ECPAS: variants seen among roughly 807,000 people sequenced by gnomAD.
ECPAS encodes proteasome adapter and scaffold protein ECM29.
Under a neutral mutation model 255.1 loss-of-function variants are expected in ECPAS, and 70 were observed. That is an observed-to-expected ratio of 0.27 (90% CI 0.23 to 0.33). The LOEUF is 0.33. Ranked by LOEUF, ECPAS falls within the 10% of genes least tolerant of loss-of-function variation. ECPAS has a pLI of 1.00. For synonymous variants in ECPAS, 784 were observed against 775.0 expected, an observed-to-expected ratio of 1.01 and a Z score of -0.19; for missense variants, 1,817 against 2,206.4, an observed-to-expected ratio of 0.82 and a Z score of 3.54.
At position 111,389,565 on chromosome 9, in the gene ECPAS, G is replaced by T. The variant is rs764819890; in HGVS notation, c.3438C>A (p.Asp1146Glu). 1.2e-6 allele frequency: 2 copies of T among 1,612,906 alleles called. No individual in the cohort carries two copies. Among genetic ancestry groups the T allele is most frequent in the Non-Finnish European group, 1.7e-6 (2 of 1,179,310 alleles). Reference sequence around the variant, plus strand: ...GTTCACAGACACTTACCATGGATTTGTCAGTGACCAACGCATTCCAAATAC... The same window carrying T: ...GTTCACAGACACTTACCATGGATTTTTCAGTGACCAACGCATTCCAAATAC... ...MTSIWNALVT[D>E]KSMVDKYLKE... The change falls in exon 31 of 50, where the codon GAC (aspartate) becomes GAA (glutamate). Residue 1146 changes from aspartate (D) to glutamate (E), a missense_variant. Asp to Glu is a conservative substitution (Grantham distance 45, BLOSUM62 2). Transcript: ENST00000684092.
At chr9:111,384,391 A>G in intron 34 of ECPAS, 131 bp downstream of exon 34, 1 of 743,534 alleles carries the variant, frequency 1.3e-6, no homozygotes, top group Non-Finnish European at 2.4e-6. Context: ...TCATTCTAAG[A>G]GCAGTGAACT....
At position 111,414,649 on chromosome 9, in the gene ECPAS, G is replaced by T; in HGVS notation, c.1767C>A (p.Ile589=). Residue 589 remains isoleucine, a splice_region_variant and synonymous_variant, in exon 19 of 50, where the codon ATC becomes ATA. Coordinates refer to ENST00000684092, the MANE Select transcript of ECPAS (RefSeq NM_001364929.1). Reference sequence around the variant, plus strand: ...CAAGGCACATGCGCAAGTACAGAACGATCTACAAACAGAACGGAGAGGAAG... The same window carrying T: ...CAAGGCACATGCGCAAGTACAGAACTATCTACAAACAGAACGGAGAGGAAG... The part of the protein sequence containing the change: ...LPFNPAAFGE[I]VLYLRMCLAH... The T allele has an allele frequency of 6.2e-7, 1 of 1,608,798 alleles. No individual in the cohort carries two copies. The highest frequency in any genetic ancestry group is 8.5e-7 in the Non-Finnish European group (1 of 1,176,922).
At chr9:111,426,905 G>A (rs775606093) in intron 10 of ECPAS, among the ~76,000 whole-genome samples, 2 of 152,134 alleles carry the variant, frequency 1.3e-5, no homozygotes, top group Non-Finnish European at 2.9e-5. Context: ...GGGAGGCAGA[G>A]GCTGCAGTAA....
Position 111,473,712 on chromosome 9 carries a change from A to G in ECPAS, c.-82-712T>C, listed in dbSNP as rs1318638626. On this transcript the variant is annotated intron_variant, in intron 1 of 49. Coordinates refer to ENST00000684092, the MANE Select transcript of ECPAS (RefSeq NM_001364929.1). ...CCAGGCACGGTGGCTCACGCCTGTA[A>G]TCCCAGCACTCTGAGAGGCCGAGGA... 4.6e-5 allele frequency among the ~76,000 whole-genome samples: 7 copies of G among 152,346 alleles called. No individual in the cohort carries two copies. In the East Asian group the frequency reaches 1.3e-3, roughly 29 times the overall value.
chr9:111,482,479 A>C (rs2098307358), intron 1 of ECPAS, among the ~76,000 whole-genome samples: 1 of 152,224 alleles, frequency 6.6e-6, no homozygotes, highest in African/African-American at 2.4e-5. Flanking sequence ...CACCAGAAAA[A>C]CATACATTAC....
chr9:111,418,753 G>T (rs1200562110), intron 16 of ECPAS, among the ~76,000 whole-genome samples: 1 of 152,174 alleles, frequency 6.6e-6, no homozygotes, highest in African/African-American at 2.4e-5. Flanking sequence ...AGATACAGCA[G>T]TTAAGAGCTC....
chr9:111,387,392 C>T (rs909981381), intron 31 of ECPAS, among the ~76,000 whole-genome samples: 6 of 151,968 alleles, frequency 3.9e-5, no homozygotes, highest in African/African-American at 2.4e-5. Context: ...TCTCACTCAT[C>T]GTCAGTGCAG....
At chr9:111,473,037 A>G in intron 1 of ECPAS, 37 bp from the exon 2 acceptor site, 2 of 519,798 alleles carry the variant, frequency 3.8e-6, no homozygotes, top group Non-Finnish European at 5.2e-6. Context: ...CAATTAACAG[A>G]TGTATATGCA....
intron 7 of ECPAS, among the ~76,000 whole-genome samples, chr9:111,433,968 A>C (rs1325988336): frequency 1.3e-5 from 2 of 152,234 alleles, no homozygotes; most frequent in African/African-American, 4.8e-5. Flanking sequence ...GCTGAAATGA[A>C]ACAGACTAGA....
chr9:111,474,655 T>C (rs1333221058), intron 1 of ECPAS, among the ~76,000 whole-genome samples: 8 of 152,336 alleles, frequency 5.3e-5, no homozygotes, highest in African/African-American at 1.4e-4. Context: ...CTGTTGGCAT[T>C]CCTACAACAT....
rs2098260161 is a variant in ECPAS at position 111,451,437 on chromosome 9, T to G, written c.141A>C (p.Gly47=). 1 of 1,572,700 alleles carries G rather than the reference T, an allele frequency of 6.4e-7. No individual in the cohort carries two copies. Among genetic ancestry groups the G allele is most frequent in the Admixed American group, 1.9e-5 (1 of 53,930 alleles). The change falls in exon 3 of 50, where the codon GGA becomes GGC. Residue 47 remains glycine (G), a synonymous_variant. Transcript: ENST00000684092. ...CCAACATGCTTACCTTTTTACGTACTCCTTCTTGGGTGCTAGAGAGTTTGA... is the reference window on the plus strand; with the variant it reads ...CCAACATGCTTACCTTTTTACGTACGCCTTCTTGGGTGCTAGAGAGTTTGA... ...VLLKLSSTQE[G]VRKKVMELLV...
chr9:111,407,424 A>AG (rs1289040203), intron 24 of ECPAS, among the ~76,000 whole-genome samples: 21 of 144,978 alleles, frequency 1.4e-4, no homozygotes, highest in Non-Finnish European at 2.7e-4. Context: ...AAAAAAAAAA[A>AG]AAAAAAAAAA....
chr9:111,417,785 G>A (rs1191443462), intron 17 of ECPAS, 98 bp downstream of exon 17: 2 of 1,114,304 alleles, frequency 1.8e-6, no homozygotes, highest in Non-Finnish European at 2.5e-6. Context: ...GAAATTTTAT[G>A]AGTCAACATC....
At chr9:111,425,580 A>T (rs2098220392) in intron 11 of ECPAS, 84 bp from the exon 12 acceptor site, 1 of 1,101,884 alleles carries the variant, frequency 9.1e-7, no homozygotes. Flanking sequence ...AAATAATGAG[A>T]GACATAACCG....
rs2098232688 is a variant in ECPAS at position 111,433,230 on chromosome 9, T to C, written c.848+3A>G. On this transcript the variant is annotated splice_donor_region_variant and intron_variant, in intron 8 of 49. Transcript: ENST00000684092. ...TCTTGAAAGTTTACAGGGAAGTAGT[T>C]ACCTCTGTTTGCTTTTCAATTCCAG... The C allele has an allele frequency of 6.2e-7, 1 of 1,613,504 alleles. No homozygotes were observed. The highest frequency in any genetic ancestry group is 8.5e-7 in the Non-Finnish European group (1 of 1,179,456).
chr9:111,470,116 G>A (rs1054444431), intron 2 of ECPAS, among the ~76,000 whole-genome samples: 2 of 152,114 alleles, frequency 1.3e-5, no homozygotes, highest in Non-Finnish European at 2.9e-5. Context: ...GGAGGTCCCT[G>A]CTGATGGAGT....
intron 9 of ECPAS, 51 bp downstream of exon 9, chr9:111,430,496 G>T: frequency 8.9e-7 from 1 of 1,120,792 alleles, no homozygotes; most frequent in Non-Finnish European, 1.3e-6. Flanking sequence ...CGCAGTTCAT[G>T]TCAACAAACT....
chr9:111,472,771 CTAG>C (rs1229503318), intron 2 of ECPAS, 123 bp downstream of exon 2: 1 of 201,166 alleles, frequency 5.0e-6, no homozygotes, highest in Admixed American at 6.1e-5. Context: ...TTTTCTCAGG[CTAG>C]CTAGAAAAGG....
At chr9:111,472,749 G>C (rs2098290434) in intron 2 of ECPAS, 148 bp downstream of exon 2, 1 of 190,942 alleles carries the variant, frequency 5.2e-6, no homozygotes, top group African/African-American at 2.4e-5. Flanking sequence ...AAATTAACAT[G>C]AACTTCACCA....
Sources: gnomAD v4.1 joint callset for allele counts (sites outside exome capture counted in the v4.1 genomes callset) on GRCh38, gnomAD v4.1.1 for gene constraint, MANE v1.5 for transcripts, NCBI Gene and HGNC (gene_info 2026-07-23, HGNC 2026-07-21) for gene names.